Variants in RAP1A observed in about 807,000 individuals in gnomAD.
The protein encoded by RAP1A is ras-related protein Rap-1A.
Under a neutral mutation model 26.4 loss-of-function variants are expected in RAP1A, and 6 were observed. That is an observed-to-expected ratio of 0.23 (90% CI 0.12 to 0.45). RAP1A has a LOEUF of 0.45. RAP1A is among the 20% of genes least tolerant of loss of function. The pLI, the probability that RAP1A is intolerant of heterozygous loss-of-function variation, is 0.99. For synonymous variants in RAP1A, 73 were observed against 79.4 expected (o/e 0.92, Z 0.43); for missense variants, 121 against 217.2 (o/e 0.56, Z 2.78).
intron 1 of RAP1A, among the ~76,000 whole-genome samples, chr1:111,633,251 C>A (rs1041938221): frequency 4.6e-5 from 7 of 152,130 alleles, no homozygotes; most frequent in African/African-American, 7.2e-5. Context: ...CTTTAGACTG[C>A]CCTATTGTTG....
chr1:111,691,535 T>C, intron 2 of RAP1A, 118 bp downstream of exon 2: 1 of 847,832 alleles, frequency 1.2e-6, no homozygotes, highest in Non-Finnish European at 1.9e-6. Context: ...ATATCTGATA[T>C]CTGTCCCACA....
chr1:111,671,931 T>C (rs1660988653), intron 1 of RAP1A, among the ~76,000 whole-genome samples: 1 of 152,268 alleles, frequency 6.6e-6, no homozygotes, highest in South Asian at 2.1e-4. Context: ...TGTTGATTTC[T>C]AGTTTAATTT....
At chr1:111,587,696 C>T (rs1419089179) in intron 1 of RAP1A, among the ~76,000 whole-genome samples, 3 of 152,174 alleles carry the variant, frequency 2.0e-5, no homozygotes, top group Admixed American at 6.5e-5. Context: ...GTTGCCTCCA[C>T]TTTCACCTCC....
intron 5 of RAP1A, among the ~76,000 whole-genome samples, chr1:111,703,978 T>G (rs1662102315): frequency 6.6e-6 from 1 of 152,122 alleles, no homozygotes; most frequent in South Asian, 2.1e-4. Context: ...GTTTTTGAAT[T>G]TTTTAGTAGA....
At chr1:111,648,509 G>A in intron 1 of RAP1A, 1 of 562,834 alleles carries the variant, frequency 1.8e-6, no homozygotes, top group Non-Finnish European at 3.3e-6. Flanking sequence ...CCTGGGCCTG[G>A]CGTTGCCCCT....
At position 111,551,778 on chromosome 1, in the gene RAP1A, T is replaced by C. The variant is rs186770427; in HGVS notation, c.-28+9269T>C. ...TTTGTTTTGTTTTGTTTTTTTGAGA[T>C]GGAGTCTTTACAGAGGGATTCTGCA... is the stretch of plus-strand genomic sequence containing the variant. On this transcript the variant is annotated intron_variant, in intron 1 of 7. Coordinates refer to the RAP1A transcript ENST00000356415. Among the ~76,000 whole-genome samples the C allele has an allele frequency of 3.1e-3, 399 of 129,282 alleles. 1 individual carries two copies. Among genetic ancestry groups the C allele is most frequent in the African/African-American group, 9.9e-3 (370 of 37,406 alleles). 84.8% of individuals were successfully genotyped at this position (129,282 alleles called of 152,430 possible).
At chr1:111,587,360 G>A (rs1658388983) in intron 1 of RAP1A, among the ~76,000 whole-genome samples, 1 of 152,034 alleles carries the variant, frequency 6.6e-6, no homozygotes, top group Non-Finnish European at 1.5e-5. Context: ...AAGCTATCAG[G>A]TCGGAACTCC....
upstream of RAP1A, among the ~76,000 whole-genome samples, chr1:111,615,822 T>G (rs1659003374): frequency 7.6e-6 from 1 of 130,912 alleles, no homozygotes; most frequent in African/African-American, 3.1e-5. Context: ...AGAGTGAGAC[T>G]CTGTCTCAAA....
At chr1:111,583,187 T>C (rs1658292762) in intron 1 of RAP1A, among the ~76,000 whole-genome samples, 1 of 151,286 alleles carries the variant, frequency 6.6e-6, no homozygotes, top group Non-Finnish European at 1.5e-5. Context: ...CCTGGAAAAG[T>C]GCAAAAAAGC....
At chr1:111,626,180 C>T (rs1659392130) in intron 1 of RAP1A, among the ~76,000 whole-genome samples, 1 of 152,110 alleles carries the variant, frequency 6.6e-6, no homozygotes, top group Admixed American at 6.5e-5. Context: ...AAATTGTGAA[C>T]ATTTCACATT....
intron 1 of RAP1A, among the ~76,000 whole-genome samples, chr1:111,652,320 G>A (rs57519951): frequency 0.043 from 6,612 of 152,252 alleles, 288 homozygotes; most frequent in African/African-American, 0.11. Flanking sequence ...AAATCTCTAT[G>A]TGGAAATACA....
intron 1 of RAP1A, among the ~76,000 whole-genome samples, chr1:111,643,717 C>T (rs888915577): frequency 2.0e-5 from 3 of 152,148 alleles, no homozygotes; most frequent in East Asian, 1.9e-4. Context: ...AATGACAATC[C>T]GTGCTTATCA....
intron 1 of RAP1A, among the ~76,000 whole-genome samples, chr1:111,596,375 T>C (rs1658563886): frequency 6.6e-6 from 1 of 152,204 alleles, no homozygotes; most frequent in South Asian, 2.1e-4. Context: ...AGGCCAATCC[T>C]TGGGACATAG....
At chr1:111,700,825 G>A (rs763601530) in intron 4 of RAP1A, among the ~76,000 whole-genome samples, 1 of 151,900 alleles carries the variant, frequency 6.6e-6, no homozygotes, top group Non-Finnish European at 1.5e-5. Flanking sequence ...TGTATTTTTT[G>A]TTATATTATG....
intron 1 of RAP1A, chr1:111,686,621 G>A (rs1465724851): frequency 6.6e-6 from 1 of 150,976 alleles, no homozygotes; most frequent in Non-Finnish European, 1.5e-5. Context: ...AGCAAGGGAG[G>A]TGGAGACTGC....
chr1:111,678,158 A>C (rs955643108), intron 1 of RAP1A, among the ~76,000 whole-genome samples: 1 of 152,230 alleles, frequency 6.6e-6, no homozygotes, highest in Non-Finnish European at 1.5e-5. Flanking sequence ...TTATCTTGTC[A>C]GTTTCTACAA....
At chr1:111,653,266 G>A (rs914423624) in intron 1 of RAP1A, among the ~76,000 whole-genome samples, 2 of 152,184 alleles carry the variant, frequency 1.3e-5, no homozygotes, top group African/African-American at 4.8e-5. Context: ...GGCAAATGGG[G>A]AGTAACTGTT....
At chr1:111,560,046 A>C (rs1383073693) in intron 1 of RAP1A, among the ~76,000 whole-genome samples, 1 of 152,198 alleles carries the variant, frequency 6.6e-6, no homozygotes, top group African/African-American at 2.4e-5. Flanking sequence ...AATTTTTTTC[A>C]TTCAACACTC....
chr1:111,648,828 A>G, intron 1 of RAP1A: 1 of 700,726 alleles, frequency 1.4e-6, no homozygotes. Flanking sequence ...TTGGGCCGAG[A>G]TGTCTGCCAT....
Sources: gnomAD v4.1 joint callset for allele counts (sites outside exome capture counted in the v4.1 genomes callset) on GRCh38, gnomAD v4.1.1 for gene constraint, MANE v1.5 for transcripts, NCBI Gene and HGNC (gene_info 2026-07-23, HGNC 2026-07-21) for gene names.